Variants in DNAH8 observed in about 807,000 individuals in gnomAD.
DNAH8 encodes axonemal beta dynein heavy chain 8.
Under a neutral mutation model 562.1 loss-of-function variants are expected in DNAH8, and 382 were observed. The ratio of observed to expected loss-of-function variants is 0.68; its 90% confidence interval spans 0.63 to 0.74. DNAH8 has a LOEUF of 0.74. Ranked by LOEUF, DNAH8 falls within the 30% of genes least tolerant of loss-of-function variation. The probability of loss-of-function intolerance (pLI) is 0.00; values close to 1 mark genes in which losing one functional copy is unlikely to be tolerated. For missense variants in DNAH8, 5,203 were observed against 5,620.4 expected (o/e 0.93, Z 2.37); for synonymous variants, 1,881 against 1,919.4 (o/e 0.98, Z 0.52).
chr6:38,884,927 C>A (rs778514392), intron 56 of DNAH8, among the ~76,000 whole-genome samples: 3 of 132,372 alleles, frequency 2.3e-5, no homozygotes, highest in Non-Finnish European at 5.0e-5. Context: ...TTCCTCCCAC[C>A]GACCTACACT....
intron 22 of DNAH8, 113 bp from the exon 23 acceptor site, chr6:38,805,368 T>G (rs769888762): frequency 1.5e-6 from 1 of 671,362 alleles, no homozygotes; most frequent in Non-Finnish European, 2.6e-6. Context: ...AAAAAACAGT[T>G]TTAAAAGTAA....
At chr6:38,997,895 C>T (rs1765245248) in intron 88 of DNAH8, among the ~76,000 whole-genome samples, 1 of 152,290 alleles carries the variant, frequency 6.6e-6, no homozygotes. Flanking sequence ...ATAGCTGGAA[C>T]TACAGGCATG....
At chr6:38,862,564 A>T in intron 44 of DNAH8, 106 bp downstream of exon 44, 3 of 1,316,140 alleles carry the variant, frequency 2.3e-6, no homozygotes, top group East Asian at 4.9e-5. Flanking sequence ...TATAATCTAC[A>T]TTAGTATGGG....
At position 38,779,113 on chromosome 6, in the gene DNAH8, G is replaced by A. The variant is rs377037352; in HGVS notation, c.2039+649G>A. ...GAGGAATCCCAGATTAGAGGGCTGAGCGGGACTAGAAGCCTTTCCCTTTCA... is the reference window on the plus strand; with the variant it reads ...GAGGAATCCCAGATTAGAGGGCTGAACGGGACTAGAAGCCTTTCCCTTTCA... On this transcript the variant is annotated intron_variant, in intron 14 of 92. Transcript: ENST00000327475. Among the ~76,000 whole-genome samples, 10 of 152,214 alleles carry A rather than the reference G, an allele frequency of 6.6e-5. No individual in the cohort carries two copies. In the East Asian group the frequency reaches 1.7e-3, roughly 26 times the overall value.
chr6:38,772,996 T>TTTTTTTTGTTGTTG (rs1554205957), intron 12 of DNAH8, among the ~76,000 whole-genome samples: 3 of 109,942 alleles, frequency 2.7e-5, no homozygotes, highest in African/African-American at 1.1e-4. Context: ...TTTTTTTTTT[T>TTTTTTTTGTTGTTG]TTGTAGAGAT....
At position 38,890,777 on chromosome 6, in the gene DNAH8, T is replaced by C. The variant is rs985524525; in HGVS notation, c.8583+16T>C. The C allele has an allele frequency of 5.7e-6, 9 of 1,574,658 alleles. No homozygotes were observed. The highest frequency in any genetic ancestry group is 1.1e-5 in the South Asian group (1 of 90,196). ...ATGGACTAAGGTACAGAATGGTTTGTCAATAATTTTTAAAAAGGCAACTAT... is the reference window on the plus strand; with the variant it reads ...ATGGACTAAGGTACAGAATGGTTTGCCAATAATTTTTAAAAAGGCAACTAT... On this transcript the variant is annotated intron_variant, in intron 58 of 92. Coordinates refer to ENST00000327475, the MANE Select transcript of DNAH8 (RefSeq NM_001206927.2).
intron 26 of DNAH8, among the ~76,000 whole-genome samples, chr6:38,816,456 A>G (rs1038308432): frequency 2.0e-5 from 3 of 152,160 alleles, no homozygotes; most frequent in Non-Finnish European, 4.4e-5. Flanking sequence ...CATGGTGTAT[A>G]TGTACCACAT....
intron 64 of DNAH8, 132 bp downstream of exon 64, chr6:38,908,252 T>C (rs1048255016): frequency 1.9e-6 from 1 of 516,158 alleles, no homozygotes; most frequent in Non-Finnish European, 3.2e-6. Context: ...AACACTTTTG[T>C]ACCACACAAT....
chr6:38,935,589 C>A lies in DNAH8; in HGVS notation c.11458-3C>A. 6.3e-7 allele frequency: 1 copy of A among 1,599,890 alleles called. No homozygotes were observed. The highest frequency in any genetic ancestry group is 1.1e-5 in the South Asian group (1 of 88,832). On this transcript the variant is annotated splice_polypyrimidine_tract_variant and splice_region_variant and intron_variant, in intron 76 of 92. Transcript: ENST00000327475. Reference sequence around the variant, plus strand: ...AATGTTATTTTTTGTTTTTTAATGACAGGAGTTAGAGGCTGAGAGGGTTAA... The same window carrying A: ...AATGTTATTTTTTGTTTTTTAATGAAAGGAGTTAGAGGCTGAGAGGGTTAA...
chr6:38,814,976 C>T (rs1583076618), intron 25 of DNAH8, among the ~76,000 whole-genome samples: 1 of 152,112 alleles, frequency 6.6e-6, no homozygotes, highest in Non-Finnish European at 1.5e-5. Flanking sequence ...CAGAAACGGT[C>T]CGTGACTCAC....
At position 38,791,664 on chromosome 6, in the gene DNAH8, C is replaced by T. The variant is rs557671097; in HGVS notation, c.2891C>T (p.Thr964Ile). 9 of 1,613,468 alleles carry T rather than the reference C, an allele frequency of 5.6e-6. No homozygotes were observed. The South Asian group carries it at 8.8e-5, about 16-fold the overall frequency. Residue 964 changes from threonine (T) to isoleucine (I), a missense_variant, in exon 21 of 93, where the codon ACC (threonine) becomes ATC (isoleucine). Physicochemically the swap from Thr to Ile is moderately conservative, Grantham distance 89. Transcript: ENST00000327475. ...GCTACCAAAGTAGAAGATATGTTGA[C>T]CCTCAATGAGGTATGCATTTGTTCA... is the stretch of plus-strand genomic sequence containing the variant. Reference protein sequence around the residue: ...SGATKVEDMLTLNETYTKEWA... With the variant: ...SGATKVEDMLILNETYTKEWA...
At chr6:38,919,638 A>G (rs1169207269) in intron 70 of DNAH8, among the ~76,000 whole-genome samples, 1 of 152,240 alleles carries the variant, frequency 6.6e-6, no homozygotes. Context: ...ATTATATTCA[A>G]TGGTAAAAGA....
chr6:38,737,271 TA>T lies in DNAH8; in HGVS notation c.952+17del, dbSNP rs778376336. 7.2e-7 allele frequency: 1 copy of T among 1,385,476 alleles called. No homozygotes were observed. Among genetic ancestry groups the T allele is most frequent in the Non-Finnish European group, 9.5e-7 (1 of 1,056,798 alleles). The allele number at this position is 1,385,476 out of a possible 1,614,324, so 85.8% of individuals were successfully genotyped here. A position where few individuals can be genotyped will look rare whatever the true frequency, so the allele number is the denominator to read the frequency against. ...ATTTTTAGATGGTAAGTATAAAATT[TA>T]ATGTTTAGCAAATTGCAAAAAAGAA... On this transcript the variant is annotated intron_variant, in intron 6 of 92. Coordinates refer to ENST00000327475, the MANE Select transcript of DNAH8 (RefSeq NM_001206927.2).
At chr6:38,820,470 AC>A (rs1772718569) in intron 26 of DNAH8, among the ~76,000 whole-genome samples, 1 of 152,198 alleles carries the variant, frequency 6.6e-6, no homozygotes, top group African/African-American at 2.4e-5. Flanking sequence ...TTAGAATAAA[AC>A]AGCACAATAT....
Position 38,737,273 on chromosome 6 carries a change from A to G in DNAH8, c.952+17A>G. Reference sequence around the variant, plus strand: ...TTTTAGATGGTAAGTATAAAATTTAATGTTTAGCAAATTGCAAAAAAGAAG... The same window carrying G: ...TTTTAGATGGTAAGTATAAAATTTAGTGTTTAGCAAATTGCAAAAAAGAAG... On this transcript the variant is annotated intron_variant, in intron 6 of 92. Coordinates refer to ENST00000327475, the MANE Select transcript of DNAH8 (RefSeq NM_001206927.2). 7.3e-7 allele frequency: 1 copy of G among 1,375,364 alleles called. No individual in the cohort carries two copies. 85.2% of individuals were successfully genotyped at this position (1,375,364 alleles called of 1,614,324 possible). A position where few individuals can be genotyped will look rare whatever the true frequency, so the allele number is the denominator to read the frequency against.
In DNAH8 at chr6:38,823,315, G is replaced by A. The variant is rs79252210; in HGVS notation, c.3721-247G>A. The stretch of plus-strand genomic sequence containing the variant: ...CTAGAGGCTAGGTATTCAAGGGTGC[G>A]TCACACTTATGTAGACCCAGCTGTA... On this transcript the variant is annotated intron_variant, in intron 27 of 92. Coordinates refer to ENST00000327475, the MANE Select transcript of DNAH8 (RefSeq NM_001206927.2). 0.12 allele frequency among the ~76,000 whole-genome samples: 18,734 copies of A among 152,130 alleles called. 1,409 individuals are homozygous for A. The highest frequency in any genetic ancestry group is 0.21 in the Admixed American group (3,260 of 15,268).
At chr6:38,867,019 G>T (rs1777087642) in intron 47 of DNAH8, 143 bp downstream of exon 47, 4 of 585,752 alleles carry the variant, frequency 6.8e-6, no homozygotes, top group Admixed American at 6.3e-5. Context: ...TTACCTATTG[G>T]TTGTGTATTT....
intron 67 of DNAH8, among the ~76,000 whole-genome samples, chr6:38,914,552 A>G (rs757938387): frequency 4.0e-5 from 6 of 151,798 alleles, no homozygotes; most frequent in Non-Finnish European, 7.4e-5. Flanking sequence ...GGGTTTCACC[A>G]TGTTGGCCAG....
At chr6:38,944,888 A>T (rs996171031) in intron 79 of DNAH8, among the ~76,000 whole-genome samples, 14 of 151,634 alleles carry the variant, frequency 9.2e-5, no homozygotes, top group African/African-American at 3.4e-4. Flanking sequence ...TTCCTCCTTC[A>T]CTTCCTTCTT....
Sources: gnomAD v4.1 joint callset for allele counts (sites outside exome capture counted in the v4.1 genomes callset) on GRCh38, gnomAD v4.1.1 for gene constraint, MANE v1.5 for transcripts, NCBI Gene and HGNC (gene_info 2026-07-23, HGNC 2026-07-21) for gene names.